Variants in NR3C2 observed in about 807,000 individuals in gnomAD.
NR3C2 encodes the protein nuclear receptor subfamily 3 group C member 2.
NR3C2 carries 15 observed loss-of-function variants against 86.4 expected under a neutral mutation model. The observed-to-expected ratio is 0.17, with a 90% CI of 0.12 to 0.27. NR3C2 has a LOEUF of 0.27. Ranked by LOEUF, NR3C2 falls within the 10% of genes least tolerant of loss-of-function variation. The pLI, the probability that NR3C2 is intolerant of heterozygous loss-of-function variation, is 1.00. For synonymous variants in NR3C2, 458 were observed against 450.5 expected (o/e 1.02, Z -0.21); for missense variants, 960 against 1,195.6 (o/e 0.80, Z 2.91).
chr4:148,325,310 A>G (rs1041028267), intron 2 of NR3C2, among the ~76,000 whole-genome samples: 2 of 152,360 alleles, frequency 1.3e-5, no homozygotes, highest in East Asian at 1.9e-4. Flanking sequence ...TACATACTAC[A>G]TATTACAATT....
chr4:148,255,572 C>A (rs1465734939), intron 3 of NR3C2, among the ~76,000 whole-genome samples: 2 of 152,188 alleles, frequency 1.3e-5, no homozygotes, highest in Non-Finnish European at 2.9e-5. Context: ...TCTGCTTAAA[C>A]AATTTAAATC....
rs28702892 is a variant in NR3C2 at position 148,240,473 on chromosome 4, T to C, written c.1897+19505A>G. Among the ~76,000 whole-genome samples, 1,231 of 151,982 alleles carry C rather than the reference T, an allele frequency of 8.1e-3. 10 individuals carry two copies. Among genetic ancestry groups the C allele is most frequent in the African/African-American group, 0.028 (1,158 of 41,454 alleles). ...TATATCATAAGGCCATCAGAATACA[T>C]AGACATTTTTCTTGTAGCAAAAGCA... On this transcript the variant is annotated intron_variant, in intron 3 of 8. Transcript: ENST00000358102.
At chr4:148,223,471 G>A (rs1387528477) in intron 3 of NR3C2, among the ~76,000 whole-genome samples, 4 of 152,200 alleles carry the variant, frequency 2.6e-5, no homozygotes. Flanking sequence ...CTGGCAGACT[G>A]TCAATAAATA....
At chr4:148,112,677 A>C (rs989554564) in intron 8 of NR3C2, among the ~76,000 whole-genome samples, 1 of 152,370 alleles carries the variant, frequency 6.6e-6, no homozygotes, top group South Asian at 2.1e-4. Flanking sequence ...GACTTCTGTC[A>C]TATGAAAAGT....
chr4:148,360,218 CACTGTAGAGA>C (rs1745770595), intron 2 of NR3C2, among the ~76,000 whole-genome samples: 1 of 152,146 alleles, frequency 6.6e-6, no homozygotes, highest in Non-Finnish European at 1.5e-5. Flanking sequence ...TAGCATCAAG[CACTGTAGAGA>C]ACTTTGGAAA....
intron 4 of NR3C2, among the ~76,000 whole-genome samples, chr4:148,178,752 A>C (rs1429512650): frequency 6.6e-6 from 1 of 151,486 alleles, no homozygotes; most frequent in Non-Finnish European, 1.5e-5. Context: ...GTGGTGACTG[A>C]CCAGTTAATC....
chr4:148,162,794 G>A (rs1364781757), intron 4 of NR3C2, among the ~76,000 whole-genome samples: 1 of 152,138 alleles, frequency 6.6e-6, no homozygotes, highest in African/African-American at 2.4e-5. Flanking sequence ...GGTGGACAGT[G>A]GATTGATTAC....
At chr4:148,277,949 T>G (rs1036022237) in intron 2 of NR3C2, among the ~76,000 whole-genome samples, 7 of 152,198 alleles carry the variant, frequency 4.6e-5, no homozygotes, top group Admixed American at 2.6e-4. Flanking sequence ...TGAATTATCC[T>G]CCAGGGAAAC....
At chr4:148,257,077 G>C (rs1440489454) in intron 3 of NR3C2, among the ~76,000 whole-genome samples, 1 of 152,074 alleles carries the variant, frequency 6.6e-6, no homozygotes, top group Non-Finnish European at 1.5e-5. Flanking sequence ...TTATCTTCAT[G>C]TTCTGTTCCT....
At chr4:148,259,578 T>C (rs978262501) in intron 3 of NR3C2, among the ~76,000 whole-genome samples, 13 of 152,222 alleles carry the variant, frequency 8.5e-5, no homozygotes, top group African/African-American at 3.1e-4. Flanking sequence ...ATATTAACGT[T>C]TTAATTTGCC....
intron 2 of NR3C2, among the ~76,000 whole-genome samples, chr4:148,286,490 A>G (rs1228514971): frequency 6.6e-6 from 1 of 152,350 alleles, no homozygotes; most frequent in Non-Finnish European, 1.5e-5. Flanking sequence ...GTCACTGCAA[A>G]AAGAAAATTC....
intron 8 of NR3C2, among the ~76,000 whole-genome samples, chr4:148,093,991 C>CA (rs1041912334): frequency 6.6e-6 from 1 of 152,090 alleles, no homozygotes; most frequent in African/African-American, 2.4e-5. Flanking sequence ...TACAACTCAA[C>CA]AACAAACCAA....
chr4:148,223,469 C>T (rs1289994623), intron 3 of NR3C2, among the ~76,000 whole-genome samples: 1 of 152,154 alleles, frequency 6.6e-6, no homozygotes, highest in East Asian at 1.9e-4. Flanking sequence ...GCCTGGCAGA[C>T]TGTCAATAAA....
intron 3 of NR3C2, among the ~76,000 whole-genome samples, chr4:148,251,074 C>CA (rs1249274639): frequency 6.6e-6 from 1 of 152,098 alleles, no homozygotes; most frequent in African/African-American, 2.4e-5. Flanking sequence ...CTCAGCCCCC[C>CA]AAGGAGCTGA....
At chr4:148,316,578 G>T (rs868775209) in intron 2 of NR3C2, among the ~76,000 whole-genome samples, 1 of 152,090 alleles carries the variant, frequency 6.6e-6, no homozygotes, top group African/African-American at 2.4e-5. Context: ...AGGTATATCT[G>T]AAATGCTCTC....
intron 3 of NR3C2, among the ~76,000 whole-genome samples, chr4:148,216,036 C>T (rs1232210283): frequency 6.6e-6 from 1 of 152,036 alleles, no homozygotes; most frequent in East Asian, 1.9e-4. Context: ...GATTCAACCG[C>T]CTTGGCCTCC....
chr4:148,277,235 T>C lies in NR3C2; in HGVS notation c.1758-17118A>G, dbSNP rs375686276. On this transcript the variant is annotated intron_variant, in intron 2 of 8. Coordinates refer to ENST00000358102, the MANE Select transcript of NR3C2 (RefSeq NM_000901.5). ...AGCTTAAATTTCATCTCTAAAAAAG[T>C]TCAAGTCTGTTACTTTGCAATATTA... 3.3e-5 allele frequency among the ~76,000 whole-genome samples: 5 copies of C among 152,254 alleles called. No individual in the cohort carries two copies. The East Asian group carries it at 5.8e-4, about 18-fold the overall frequency.
intron 6 of NR3C2, among the ~76,000 whole-genome samples, chr4:148,138,182 C>T (rs894281508): frequency 3.3e-5 from 5 of 152,170 alleles, no homozygotes; most frequent in African/African-American, 1.2e-4. Context: ...CTCACTCACT[C>T]AACAACATGA....
intron 8 of NR3C2, among the ~76,000 whole-genome samples, chr4:148,091,425 G>GCAC (rs1252358222): frequency 6.6e-6 from 1 of 152,360 alleles, no homozygotes; most frequent in African/African-American, 2.4e-5. Context: ...GCGCCACAGT[G>GCAC]CAGAGCCCCA....
Sources: allele counts gnomAD v4.1 joint callset (sites outside exome capture counted in the v4.1 genomes callset), GRCh38; gene constraint gnomAD v4.1.1; transcripts MANE v1.5; gene names NCBI Gene and HGNC (gene_info 2026-07-23, HGNC 2026-07-21).